GTPBP6: variants seen among roughly 807,000 people sequenced by gnomAD.
GTPBP6 encodes putative GTP-binding protein 6.
A neutral mutation model predicts 28.9 loss-of-function variants in GTPBP6; 33 were observed. That is an observed-to-expected ratio of 1.14 (90% CI 0.87 to 1.53). GTPBP6 has a LOEUF of 1.53. Among genes scored for constraint, GTPBP6 ranks in the 40% most tolerant of loss-of-function variants. GTPBP6 has a pLI of 0.00. For synonymous variants in GTPBP6, 231 were observed against 192.7 expected (o/e 1.20, Z -1.65); for missense variants, 507 against 408.3 (o/e 1.24, Z -2.08).
At chrX:314,839 G>T (rs1457920411) in intron 4 of GTPBP6, 51 bp downstream of exon 4, 1 of 400,056 alleles carries the variant, frequency 2.5e-6, no homozygotes, top group Non-Finnish European at 4.4e-6. Flanking sequence ...AGAACGGAGG[G>T]GTTCCGGGAG....
chrX:313,607 G>C (rs2070359772), intron 5 of GTPBP6, among the ~76,000 whole-genome samples: 3 of 152,188 alleles, frequency 2.0e-5, no homozygotes, highest in African/African-American at 7.2e-5. Flanking sequence ...AGTATCTAGA[G>C]ATGCGACGAT....
At chrX:307,640 T>C in intron 8 of GTPBP6, 92 bp downstream of exon 8, 2 of 1,423,990 alleles carry the variant, frequency 1.4e-6, no homozygotes, top group Non-Finnish European at 1.9e-6. Context: ...CTGCCACCGC[T>C]GCGGTTCACA....
rs745639014 is a variant in GTPBP6 at position 311,053 on chromosome X, C to T, written c.1125+366G>A. On this transcript the variant is annotated intron_variant, in intron 7 of 9. Transcript: ENST00000326153. The stretch of plus-strand genomic sequence containing the variant: ...CCGACTTCCTATTTCTACACGGGCT[C>T]ACGGCGGCAAGAACATGGCCCTGAG... Among the ~76,000 whole-genome samples, 19 of 152,206 alleles carry T rather than the reference C, an allele frequency of 1.2e-4. 1 individual carries two copies. The South Asian group carries it at 3.9e-3, about 32-fold the overall frequency.
In GTPBP6 at chrX:305,212, G is replaced by A. The variant is rs768728230; in HGVS notation, c.1428-15C>T. ...TATACAGCCAGCTGGGCACAGATGC[G>A]CGTTGTATGGAGACAAGCAGAACCC... is the stretch of plus-strand genomic sequence containing the variant. On this transcript the variant is annotated splice_polypyrimidine_tract_variant and intron_variant, in intron 9 of 9. Transcript: ENST00000326153. 22 of 1,596,006 alleles carry A rather than the reference G, an allele frequency of 1.4e-5. No homozygotes were observed. The highest frequency in any genetic ancestry group is 2.2e-5 in the East Asian group (1 of 44,790).
chrX:316,344 C>CGG (rs2070440584), intron 2 of GTPBP6, among the ~76,000 whole-genome samples: 5 of 135,000 alleles, frequency 3.7e-5, no homozygotes, highest in Admixed American at 6.9e-5. Flanking sequence ...ATTGGGGACA[C>CGG]ACACACACAC....
intron 5 of GTPBP6, among the ~76,000 whole-genome samples, chrX:313,669 A>C (rs2070361500): frequency 6.6e-6 from 1 of 152,128 alleles, no homozygotes; most frequent in Non-Finnish European, 1.5e-5. Context: ...TGTAAGAGAC[A>C]GAAGAGGAGA....
intron 6 of GTPBP6, chrX:312,379 G>T (rs894384416): frequency 1.0e-5 from 5 of 487,134 alleles, no homozygotes; most frequent in African/African-American, 9.7e-5. Flanking sequence ...AGAGGTGATG[G>T]TGTAGATGGG....
chrX:307,867 T>G, exon 8 of GTPBP6: 1 of 1,532,080 alleles, frequency 6.5e-7, no homozygotes, highest in African/African-American at 1.4e-5. Flanking sequence ...GTCCCTCACG[T>G]GCAAGATGAG....
chrX:304,764 T>G (rs7209), exon 10 of GTPBP6: 2 of 1,222,624 alleles, frequency 1.6e-6, no homozygotes, highest in South Asian at 2.6e-5. Flanking sequence ...GGAAGTAAAA[T>G]CAAAGGTTTA....
intron 1 of GTPBP6, among the ~76,000 whole-genome samples, chrX:317,318 G>A (rs1449431566): frequency 6.0e-5 from 9 of 151,006 alleles, no homozygotes; most frequent in South Asian, 2.1e-4. Context: ...AGGGAACCCG[G>A]GAGCTGCGGG....
intron 3 of GTPBP6, 39 bp from the exon 4 acceptor site, chrX:315,059 G>A: frequency 7.5e-6 from 3 of 398,776 alleles, no homozygotes; most frequent in African/African-American, 2.1e-5. Context: ...CACGGGGGAA[G>A]GCCGGGCCCT....
At chrX:317,134 C>A (rs2070453162) in intron 1 of GTPBP6, 83 bp from the exon 2 acceptor site, 1 of 398,114 alleles carries the variant, frequency 2.5e-6, no homozygotes. Context: ...CTCCTCCTGC[C>A]CTTGAGACAA....
chrX:314,432 G>A (rs957932030), intron 4 of GTPBP6, among the ~76,000 whole-genome samples: 1 of 152,136 alleles, frequency 6.6e-6, no homozygotes, highest in Non-Finnish European at 1.5e-5. Context: ...GCAGGCAGTG[G>A]GGGCAACGGG....
rs2070403558 is a variant in GTPBP6 at position 315,029 on chromosome X, G to C, written c.559-9C>G. 4 of 398,684 alleles carry C rather than the reference G, an allele frequency of 1.0e-5. No individual in the cohort carries two copies. Among genetic ancestry groups the C allele is most frequent in the Non-Finnish European group, 1.8e-5 (4 of 226,076 alleles). 24.7% of individuals were successfully genotyped at this position (398,684 alleles called of 1,614,324 possible). Reference sequence around the variant, plus strand: ...GCGGCTTCCAGTTCTTTCTGCAAAAGGAGAGAGCAACTGAGAAGCCACGGG... The same window carrying C: ...GCGGCTTCCAGTTCTTTCTGCAAAACGAGAGAGCAACTGAGAAGCCACGGG... On this transcript the variant is annotated splice_polypyrimidine_tract_variant and intron_variant, in intron 3 of 9. Transcript: ENST00000326153.
At chrX:308,572 C>T (rs1023132718) in intron 7 of GTPBP6, among the ~76,000 whole-genome samples, 1 of 151,962 alleles carries the variant, frequency 6.6e-6, no homozygotes, top group Non-Finnish European at 1.5e-5. Context: ...CTCAGCTACT[C>T]AGGAGGCTGA....
exon 3 of GTPBP6, chrX:315,256 G>C: frequency 5.0e-6 from 2 of 398,580 alleles, no homozygotes; most frequent in Non-Finnish European, 8.8e-6. Flanking sequence ...TCCTCTCCAC[G>C]TTCAGGAAGA....
chrX:305,056 G>A, exon 10 of GTPBP6: 1 of 1,610,866 alleles, frequency 6.2e-7, no homozygotes. Context: ...CACCCCGCAG[G>A]CCTCTGTGGG....
intron 6 of GTPBP6, chrX:311,858 T>C (rs572449792): frequency 0.37 from 225,561 of 603,406 alleles, 45,382 homozygotes; most frequent in Admixed American, 0.54. Context: ...ACGGGGGAGA[T>C]GGTGGTGTGG....
intron 7 of GTPBP6, among the ~76,000 whole-genome samples, chrX:308,298 G>T (rs1275235091): frequency 6.6e-6 from 1 of 151,866 alleles, no homozygotes; most frequent in Non-Finnish European, 1.5e-5. Flanking sequence ...AATCTTACAG[G>T]CAGGCTCCTT....
Sources: allele counts gnomAD v4.1 joint callset (sites outside exome capture counted in the v4.1 genomes callset), GRCh38; gene constraint gnomAD v4.1.1; transcripts MANE v1.5; gene names NCBI Gene and HGNC (gene_info 2026-07-23, HGNC 2026-07-21).